RGS7: variants seen among roughly 807,000 people sequenced by gnomAD.
RGS7 encodes regulator of G protein signaling 7.
In RGS7, 27 loss-of-function variants were observed where a neutral mutation model predicts 81.1. The observed-to-expected ratio is 0.33, with a 90% CI of 0.25 to 0.46. RGS7 has a LOEUF of 0.46. RGS7 is among the 20% of genes least tolerant of loss of function. The probability of loss-of-function intolerance (pLI) is 1.00; values close to 1 mark genes in which losing one functional copy is unlikely to be tolerated. For missense variants in RGS7, 396 were observed against 607.4 expected (o/e 0.65, Z 3.66); for synonymous variants, 208 against 207.7 (o/e 1.00, Z -0.01).
chr1:241,115,363 CCCA>C (rs2102971830), intron 2 of RGS7, among the ~76,000 whole-genome samples: 1 of 152,274 alleles, frequency 6.6e-6, no homozygotes, highest in East Asian at 1.9e-4. Context: ...AAATTAACCT[CCCA>C]CCACATCATA....
At chr1:240,997,363 G>A (rs1320143907) in intron 3 of RGS7, among the ~76,000 whole-genome samples, 5 of 152,052 alleles carry the variant, frequency 3.3e-5, no homozygotes, top group Admixed American at 6.5e-5. Flanking sequence ...ATAGCCTTCC[G>A]GTGTAATCAC....
At chr1:241,259,667 A>AAAAAAAAAAAAAAAAATATATAT in intron 2 of RGS7, among the ~76,000 whole-genome samples, 11 of 49,146 alleles carry the variant, frequency 2.2e-4, no homozygotes, top group Admixed American at 7.7e-4. Flanking sequence ...AAAAAAAAAA[A>AAAAAAAAAAAAAAAAATATATAT]ATATATATAT....
intron 2 of RGS7, among the ~76,000 whole-genome samples, chr1:241,156,596 C>CGAGGG (rs1285500127): frequency 2.4e-5 from 2 of 81,692 alleles, no homozygotes; most frequent in Non-Finnish European, 4.7e-5. Context: ...GGAGGGGAGA[C>CGAGGG]GAGGGGAGGG....
At chr1:240,882,892 C>A (rs1446567018) in intron 6 of RGS7, among the ~76,000 whole-genome samples, 1 of 152,112 alleles carries the variant, frequency 6.6e-6, no homozygotes, top group Non-Finnish European at 1.5e-5. Flanking sequence ...TTTACCCTTT[C>A]GTTTTAAATA....
At chr1:240,791,017 G>T (rs1685901762) in intron 18 of RGS7, among the ~76,000 whole-genome samples, 1 of 152,190 alleles carries the variant, frequency 6.6e-6, no homozygotes, top group Non-Finnish European at 1.5e-5. Flanking sequence ...CTGAGCCCAT[G>T]TCTATTGGGT....
At chr1:240,943,028 A>G (rs1389385156) in intron 4 of RGS7, among the ~76,000 whole-genome samples, 1 of 152,212 alleles carries the variant, frequency 6.6e-6, no homozygotes, top group Admixed American at 6.5e-5. Context: ...ATTTGCATGT[A>G]AGAAAAATCA....
At chr1:241,316,699 T>C (rs966798558) in intron 2 of RGS7, among the ~76,000 whole-genome samples, 3 of 152,216 alleles carry the variant, frequency 2.0e-5, no homozygotes, top group Non-Finnish European at 4.4e-5. Flanking sequence ...ATATTTATCA[T>C]AGATATTGGC....
At chr1:240,983,228 A>C (rs1173478535) in intron 3 of RGS7, 99 bp from the exon 4 acceptor site, 7 of 632,678 alleles carry the variant, frequency 1.1e-5, no homozygotes, top group Non-Finnish European at 1.9e-5. Flanking sequence ...TATTAGAAGG[A>C]ACTTTTCTAA....
At chr1:241,316,367 G>A (rs1285077843) in intron 2 of RGS7, among the ~76,000 whole-genome samples, 1 of 152,190 alleles carries the variant, frequency 6.6e-6, no homozygotes, top group Non-Finnish European at 1.5e-5. Flanking sequence ...GGGGAGCAAG[G>A]ATGGGGCTGA....
intron 2 of RGS7, among the ~76,000 whole-genome samples, chr1:241,122,973 T>C (rs780853619): frequency 1.3e-5 from 2 of 152,202 alleles, no homozygotes; most frequent in Non-Finnish European, 2.9e-5. Flanking sequence ...TCTGTAAACA[T>C]AGGTGCTTGA....
intron 3 of RGS7, among the ~76,000 whole-genome samples, chr1:241,007,163 C>T (rs2058722282): frequency 6.6e-6 from 1 of 152,146 alleles, no homozygotes; most frequent in African/African-American, 2.4e-5. Flanking sequence ...GTGATCCACC[C>T]ATCTCAGCAT....
chr1:240,892,156 A>G (rs1668385544), intron 6 of RGS7, among the ~76,000 whole-genome samples: 1 of 152,210 alleles, frequency 6.6e-6, no homozygotes, highest in African/African-American at 2.4e-5. Context: ...ACTCTATGCT[A>G]ATGGTTCCCT....
chr1:240,999,828 C>T (rs1427349977), intron 3 of RGS7, among the ~76,000 whole-genome samples: 1 of 152,016 alleles, frequency 6.6e-6, no homozygotes, highest in African/African-American at 2.4e-5. Context: ...TTCCCAAACT[C>T]TTGGCCTCAA....
intron 2 of RGS7, among the ~76,000 whole-genome samples, chr1:241,183,981 A>G (rs1166926073): frequency 2.0e-5 from 3 of 152,196 alleles, no homozygotes; most frequent in Non-Finnish European, 4.4e-5. Flanking sequence ...TGGACAGAAC[A>G]GGAGTCGATG....
At chr1:241,320,926 T>C (rs1295541374) in intron 2 of RGS7, among the ~76,000 whole-genome samples, 5 of 152,156 alleles carry the variant, frequency 3.3e-5, no homozygotes, top group Non-Finnish European at 5.9e-5. Context: ...CACTGGACAA[T>C]TGCCTAATAT....
At chr1:240,986,421 G>C (rs1685674740) in intron 3 of RGS7, among the ~76,000 whole-genome samples, 1 of 152,024 alleles carries the variant, frequency 6.6e-6, no homozygotes, top group Admixed American at 6.6e-5. Flanking sequence ...ATCTACTCCA[G>C]GAAGCCTGTT....
At chr1:241,205,762 G>A (rs971516603) in intron 2 of RGS7, among the ~76,000 whole-genome samples, 1 of 151,878 alleles carries the variant, frequency 6.6e-6, no homozygotes, top group African/African-American at 2.4e-5. Flanking sequence ...CACCTGGCCA[G>A]GATATACTAT....
Position 241,238,966 on chromosome 1 carries a change from C to CTCTT in RGS7, c.78+116732_78+116733insAAGA, listed in dbSNP as rs397786851. 2.7e-3 allele frequency among the ~76,000 whole-genome samples: 289 copies of CTCTT among 106,640 alleles called. 4 individuals are homozygous for CTCTT. The highest frequency in any genetic ancestry group is 4.5e-3 in the South Asian group (13 of 2,892). 70.0% of individuals were successfully genotyped at this position (106,640 alleles called of 152,430 possible). ...CTCCAAATAGCTATTGCCTCTCTCT[C>CTCTT]TTTTTTTTTTTTTTTTTTTTGAGAT... On this transcript the variant is annotated intron_variant, in intron 2 of 18. Coordinates refer to ENST00000440928, the MANE Select transcript of RGS7 (RefSeq NM_001364886.1).
At chr1:240,924,793 G>T (rs895537565) in intron 6 of RGS7, among the ~76,000 whole-genome samples, 2 of 151,980 alleles carry the variant, frequency 1.3e-5, no homozygotes, top group African/African-American at 2.4e-5. Context: ...GTCACCTCAG[G>T]TGCAAAATCT....
Sources: allele counts gnomAD v4.1 joint callset (sites outside exome capture counted in the v4.1 genomes callset), GRCh38; gene constraint gnomAD v4.1.1; transcripts MANE v1.5; gene names NCBI Gene and HGNC (gene_info 2026-07-23, HGNC 2026-07-21).